PCDH15: variants seen among roughly 807,000 people sequenced by gnomAD.
PCDH15 encodes protocadherin-15.
Under a neutral mutation model 178.5 loss-of-function variants are expected in PCDH15, and 129 were observed. That is an observed-to-expected ratio of 0.72 (90% CI 0.63 to 0.84). PCDH15 has a LOEUF of 0.84. Among genes scored for constraint, PCDH15 ranks in the 40% least tolerant of loss-of-function variants. PCDH15 has a pLI of 0.00. For synonymous variants in PCDH15, 800 were observed against 732.0 expected, an observed-to-expected ratio of 1.09 and a Z score of -1.50; for missense variants, 2,230 against 2,099.9, an observed-to-expected ratio of 1.06 and a Z score of -1.21.
intron 2 of PCDH15, among the ~76,000 whole-genome samples, chr10:55,148,841 T>C (rs1237203491): frequency 6.7e-6 from 1 of 148,278 alleles, no homozygotes; most frequent in East Asian, 1.9e-4. Context: ...AAATTATATA[T>C]ATTATATAAA....
chr10:55,332,468 C>T (rs1447300600), intron 2 of PCDH15, among the ~76,000 whole-genome samples: 3 of 152,080 alleles, frequency 2.0e-5, no homozygotes, highest in Non-Finnish European at 4.4e-5. Flanking sequence ...CCATAACTTC[C>T]AATTGACACT....
At position 55,463,899 on chromosome 10, in the gene PCDH15, G is replaced by GAGAAAGAAAGAAAGAA. The variant is rs71014491; in HGVS notation, c.-156+163710_-156+163725dup. Among the ~76,000 whole-genome samples, 7 of 47,436 alleles carry GAGAAAGAAAGAAAGAA rather than the reference G, an allele frequency of 1.5e-4. 1 individual carries two copies. The highest frequency in any genetic ancestry group is 4.4e-4 in the Admixed American group (2 of 4,502). The allele number at this position is 47,436 out of a possible 152,430, so 31.1% of individuals were successfully genotyped here. A position where few individuals can be genotyped will look rare whatever the true frequency, so the allele number is the denominator to read the frequency against. On this transcript the variant is annotated intron_variant, in intron 2 of 5. Coordinates refer to the PCDH15 transcript ENST00000613346. ...AGAGAGAGAAAGAGAGGGAGAGAGA[G>GAGAAAGAAAGAAAGAA]AGAAAGAAAGAAAGAAAGAAAGAAA...
chr10:54,649,821 G>A (rs184196488), intron 2 of PCDH15, among the ~76,000 whole-genome samples: 1 of 152,232 alleles, frequency 6.6e-6, no homozygotes. Flanking sequence ...CCACGTCATT[G>A]ACCAGTGTCA....
intron 3 of PCDH15, among the ~76,000 whole-genome samples, chr10:54,396,620 AAAATC>A (rs1951262581): frequency 6.6e-6 from 1 of 152,162 alleles, no homozygotes; most frequent in Non-Finnish European, 1.5e-5. Flanking sequence ...ATAATCCTTA[AAAATC>A]AGTCTCTGTG....
intron 2 of PCDH15, among the ~76,000 whole-genome samples, chr10:55,467,074 C>T (rs567823202): frequency 2.0e-5 from 3 of 152,194 alleles, no homozygotes; most frequent in African/African-American, 7.2e-5. Context: ...TCTGTCATTC[C>T]CAGGGATTGA....
At chr10:55,306,458 C>A (rs1843429022) in intron 1 of PCDH15, among the ~76,000 whole-genome samples, 1 of 152,080 alleles carries the variant, frequency 6.6e-6, no homozygotes, top group Non-Finnish European at 1.5e-5. Flanking sequence ...AATCATGAAT[C>A]ATAAATCTCC....
intron 2 of PCDH15, among the ~76,000 whole-genome samples, chr10:55,032,238 C>T (rs1222847320): frequency 6.6e-6 from 1 of 152,160 alleles, no homozygotes; most frequent in African/African-American, 2.4e-5. Context: ...GTAGAAAAGG[C>T]TATCCTGGTT....
At position 54,309,310 on chromosome 10, in the gene PCDH15, T is replaced by C. The variant is rs113714487; in HGVS notation, c.876+7961A>G. 9.9e-3 allele frequency among the ~76,000 whole-genome samples: 1,224 copies of C among 124,140 alleles called. 16 individuals are homozygous for C. Among genetic ancestry groups the C allele is most frequent in the African/African-American group, 0.033 (971 of 28,996 alleles). 81.4% of individuals were successfully genotyped at this position (124,140 alleles called of 152,430 possible). A position where few individuals can be genotyped will look rare whatever the true frequency, so the allele number is the denominator to read the frequency against. ...AAGTATTTATACACACAAACATATA[T>C]ATACGTACATACACACACACACACA... On this transcript the variant is annotated intron_variant, in intron 8 of 37. Transcript: ENST00000644397.
chr10:54,255,486 C>G (rs2056827665), intron 8 of PCDH15, among the ~76,000 whole-genome samples: 1 of 152,108 alleles, frequency 6.6e-6, no homozygotes, highest in Non-Finnish European at 1.5e-5. Context: ...AATAATTGGG[C>G]AGCCCACTTT....
At chr10:55,076,984 G>T (rs1841908632) in intron 2 of PCDH15, among the ~76,000 whole-genome samples, 1 of 150,706 alleles carries the variant, frequency 6.6e-6, no homozygotes, top group Admixed American at 6.6e-5. Flanking sequence ...GATCAGGCTG[G>T]TCTCAAATTC....
At chr10:54,494,213 G>A (rs971006567) in intron 3 of PCDH15, among the ~76,000 whole-genome samples, 1 of 151,568 alleles carries the variant, frequency 6.6e-6, no homozygotes, top group Non-Finnish European at 1.5e-5. Flanking sequence ...TTGTGCACAT[G>A]TACCCTAAAA....
At chr10:53,933,404 A>G (rs963817691) in intron 25 of PCDH15, among the ~76,000 whole-genome samples, 52 of 146,726 alleles carry the variant, frequency 3.5e-4, no homozygotes, top group Admixed American at 6.3e-4. Flanking sequence ...ATTCCCACCT[A>G]TGAGTGAGAA....
chr10:54,539,928 AT>A (rs2085019573), intron 2 of PCDH15, among the ~76,000 whole-genome samples: 1 of 152,106 alleles, frequency 6.6e-6, no homozygotes, highest in African/African-American at 2.4e-5. Context: ...TAAGGCAGAA[AT>A]TTTAAAAAAT....
At chr10:53,953,561 T>G (rs1019792025) in intron 23 of PCDH15, among the ~76,000 whole-genome samples, 4 of 151,914 alleles carry the variant, frequency 2.6e-5, no homozygotes, top group Non-Finnish European at 4.4e-5. Context: ...TTCACAGGAT[T>G]TGAAAAAAAA....
intron 26 of PCDH15, among the ~76,000 whole-genome samples, chr10:53,867,435 T>G (rs1221367508): frequency 6.6e-6 from 1 of 152,150 alleles, no homozygotes; most frequent in African/African-American, 2.4e-5. Flanking sequence ...ACAGATATGC[T>G]AATTACCCTG....
intron 28 of PCDH15, among the ~76,000 whole-genome samples, chr10:53,850,155 G>A (rs1213939494): frequency 6.6e-6 from 1 of 151,956 alleles, no homozygotes; most frequent in East Asian, 1.9e-4. Flanking sequence ...GAGCACCTTA[G>A]TTTATAATCA....
intron 22 of PCDH15, among the ~76,000 whole-genome samples, 167 bp from the exon 23 acceptor site, chr10:53,960,011 T>C (rs781692593): frequency 3.9e-5 from 6 of 152,214 alleles, no homozygotes; most frequent in Non-Finnish European, 8.8e-5. Context: ...TAGAAAATAC[T>C]ACGTTCTCAC....
chr10:55,202,904 C>T (rs1356965259), intron 1 of PCDH15, among the ~76,000 whole-genome samples: 1 of 152,164 alleles, frequency 6.6e-6, no homozygotes, highest in Non-Finnish European at 1.5e-5. Context: ...TTCCTAAGGC[C>T]TCCCAGGCCA....
At chr10:54,904,800 A>G (rs1049640129) in intron 2 of PCDH15, among the ~76,000 whole-genome samples, 1 of 151,680 alleles carries the variant, frequency 6.6e-6, no homozygotes, top group African/African-American at 2.4e-5. Flanking sequence ...ATCAATTTCC[A>G]TGTGCCATTT....
Sources: gnomAD v4.1 joint callset for allele counts (sites outside exome capture counted in the v4.1 genomes callset) on GRCh38, gnomAD v4.1.1 for gene constraint, MANE v1.5 for transcripts, NCBI Gene and HGNC (gene_info 2026-07-23, HGNC 2026-07-21) for gene names.